The following TRPM7 variants were observed in gnomAD, a reference collection of about 807,000 sequenced individuals.
The protein encoded by TRPM7 is transient receptor potential cation channel subfamily M member 7.
A neutral mutation model predicts 229.7 loss-of-function variants in TRPM7; 134 were observed. The observed-to-expected ratio is 0.58, with a 90% CI of 0.51 to 0.67. TRPM7 has a LOEUF of 0.67. Among genes scored for constraint, TRPM7 ranks in the 30% least tolerant of loss-of-function variants. TRPM7 has a pLI of 0.00. For synonymous variants in TRPM7, 699 were observed against 715.2 expected (o/e 0.98, Z 0.36); for missense variants, 1,901 against 2,210.0 (o/e 0.86, Z 2.80).
At position 50,631,464 on chromosome 15, in the gene TRPM7, T is replaced by A. The variant is rs2060729264; in HGVS notation, c.1157A>T (p.Asp386Val). The A allele has an allele frequency of 6.2e-7, 1 of 1,609,252 alleles. No homozygotes were observed. The change falls in exon 10 of 39, where the codon GAT becomes GTT. Residue 386 changes from aspartate to valine, a missense_variant. Asp to Val is a radical substitution (Grantham distance 152, BLOSUM62 -3). Around this residue, in one of 8 missense-constraint regions of TRPM7, gnomAD observed 794 missense variants for 881.9 expected, o/e 0.90. Transcript: ENST00000646667. ...ELITVFHIGS[D>V]EHQDIDVAIL... ...TGCTACATCTATATCTTGATGTTCA[T>A]CTGACCCAATATGGAAAACAGTGAT...
chr15:50,574,324 T>G lies in TRPM7; in HGVS notation c.5258A>C (p.His1753Pro). 6.2e-7 allele frequency: 1 copy of G among 1,614,064 alleles called. No homozygotes were observed. The highest frequency in any genetic ancestry group is 8.5e-7 in the Non-Finnish European group (1 of 1,179,954). ...CCCTCTTGTATATTCGTAAGTCCAG[T>G]GGCTAAAGGCTAGCATGATCTCTTC... ...TLEEIMLAFS[H>P]WTYEYTRGEL... is the part of the protein sequence containing the mutation. The change falls in exon 36 of 39, where the codon CAC becomes CCC. Residue 1753 changes from histidine to proline, a missense_variant. His to Pro is a moderately conservative substitution (Grantham distance 77). This residue lies in a region of TRPM7 where 257 missense variants were observed against 352.0 expected (regional missense o/e 0.73). Transcript: ENST00000646667.
chr15:50,634,220 C>G (rs1340252798), intron 8 of TRPM7, among the ~76,000 whole-genome samples, 162 bp downstream of exon 8: 1 of 152,014 alleles, frequency 6.6e-6, no homozygotes, highest in African/African-American at 2.4e-5. Flanking sequence ...AATTGGGAGG[C>G]TGAGGCAGGA....
intron 28 of TRPM7, among the ~76,000 whole-genome samples, chr15:50,584,048 C>T (rs998575069): frequency 2.6e-5 from 4 of 152,140 alleles, no homozygotes; most frequent in African/African-American, 9.7e-5. Context: ...TCCTTTTCCC[C>T]AATTTATGAT....
At chr15:50,582,957 TAA>T (rs753805843) in intron 29 of TRPM7, 130 bp downstream of exon 29, 111 of 529,968 alleles carry the variant, frequency 2.1e-4, no homozygotes, top group African/African-American at 2.0e-3. Context: ...GCTACTATGC[TAA>T]AGTCAGTTTT....
rs1191037149 is a variant in TRPM7 at position 50,681,642 on chromosome 15, G to A, written c.3+4889C>T. Reference sequence around the variant, plus strand: ...TTTCAATCAGTGAACTCTGTCTCAGGGTTGCTATATTATTGATGACTTAGC... The same window carrying A: ...TTTCAATCAGTGAACTCTGTCTCAGAGTTGCTATATTATTGATGACTTAGC... On this transcript the variant is annotated intron_variant, in intron 1 of 38. Transcript: ENST00000646667. 2.6e-5 allele frequency among the ~76,000 whole-genome samples: 4 copies of A among 152,062 alleles called. No homozygotes were observed. In the East Asian group the frequency reaches 7.7e-4, roughly 29 times the overall value.
In TRPM7 at chr15:50,580,880, CTGTT is replaced by C. The variant is rs1299203034; in HGVS notation, c.4582_4585del (p.Asn1528GlufsTer10). ...TAAGAAAAAGCTTACTTACATTTCT[CTGTT>C]TGATGGTCTATCTTGTAACCAATCC... is the stretch of plus-strand genomic sequence containing the variant. On this transcript the variant is annotated frameshift_variant, in exon 30 of 39. Transcript: ENST00000646667. LOFTEE classifies it high-confidence loss of function. 1.9e-6 allele frequency: 3 copies of C among 1,584,154 alleles called. No individual in the cohort carries two copies. The highest frequency in any genetic ancestry group is 1.2e-5 in the South Asian group (1 of 84,508).
At chr15:50,634,612 C>G (rs1292329821) in intron 7 of TRPM7, 56 bp from the exon 8 acceptor site, 1 of 1,264,162 alleles carries the variant, frequency 7.9e-7, no homozygotes, top group Non-Finnish European at 1.0e-6. Context: ...AGTTTCTCTC[C>G]AAGAAAAAAA....
At chr15:50,635,664 CAAAAA>C (rs765054880) in intron 7 of TRPM7, among the ~76,000 whole-genome samples, 16 of 56,578 alleles carry the variant, frequency 2.8e-4, no homozygotes, top group African/African-American at 6.9e-4. Context: ...CTCCATCTCC[CAAAAA>C]AAAAAAAAAA....
chr15:50,638,701 T>TATGTATGTATGTATGTATGA (rs1473822217), intron 6 of TRPM7, among the ~76,000 whole-genome samples: 2 of 151,912 alleles, frequency 1.3e-5, no homozygotes, highest in Non-Finnish European at 2.9e-5. Context: ...TGTATGTATG[T>TATGTATGTATGTATGTATGA]ATGAGATGGA....
In TRPM7 at chr15:50,594,456, T is replaced by C; in HGVS notation, c.3448A>G (p.Lys1150Glu). 1 of 1,611,656 alleles carries C rather than the reference T, an allele frequency of 6.2e-7. No individual in the cohort carries two copies. The highest frequency in any genetic ancestry group is 1.1e-5 in the South Asian group (1 of 90,568). ...SLFCCICKRR[K>E]KDKTSDGPKL... ...GGTCCATCGGAAGTCTTATCTTTCT[T>C]TCTTCTCTTACATATGCAGCAAAAC... The change falls in exon 24 of 39, where the codon AAG (lysine) becomes GAG (glutamate). Residue 1150 changes from lysine to glutamate, a missense_variant. Physicochemically the swap from Lys to Glu is moderately conservative, Grantham distance 56. Around this residue, in one of 8 missense-constraint regions of TRPM7, gnomAD observed 533 missense variants for 497.1 expected, o/e 1.07. Transcript: ENST00000646667.
intron 4 of TRPM7, among the ~76,000 whole-genome samples, chr15:50,645,396 G>A (rs1283264843): frequency 6.6e-6 from 1 of 151,916 alleles, no homozygotes; most frequent in East Asian, 1.9e-4. Flanking sequence ...GTCCCGCTCT[G>A]TCGCCCAGGC....
intron 11 of TRPM7, among the ~76,000 whole-genome samples, chr15:50,624,638 T>C (rs2060506326): frequency 6.6e-6 from 1 of 152,184 alleles, no homozygotes; most frequent in Non-Finnish European, 1.5e-5. Flanking sequence ...GAAGGTTTTG[T>C]GGGAAGGATT....
chr15:50,613,464 T>C (rs2060120307), intron 15 of TRPM7, among the ~76,000 whole-genome samples: 1 of 117,374 alleles, frequency 8.5e-6, no homozygotes. Flanking sequence ...ATTGTGCCAC[T>C]ACACTCCAGC....
In TRPM7 at chr15:50,566,197, TAAGCA is replaced by T. The variant is rs201674642; in HGVS notation, c.5467+3685_5467+3689del. 7.1e-3 allele frequency among the ~76,000 whole-genome samples: 1,089 copies of T among 152,308 alleles called. 12 individuals carry two copies. Among genetic ancestry groups the T allele is most frequent in the Non-Finnish European group, 0.011 (721 of 68,032 alleles). ...AAGTATGTTTCTTTTATAATAGAATTAAGCAAGAAATCAATTAAAGACATTTGTAA... is the reference window on the plus strand; with the variant it reads ...AAGTATGTTTCTTTTATAATAGAATTAGAAATCAATTAAAGACATTTGTAA... On this transcript the variant is annotated intron_variant, in intron 38 of 38. Coordinates refer to ENST00000646667, the MANE Select transcript of TRPM7 (RefSeq NM_017672.6).
chr15:50,571,301 G>A (rs1271815698), intron 36 of TRPM7, among the ~76,000 whole-genome samples: 2 of 152,188 alleles, frequency 1.3e-5, no homozygotes, highest in African/African-American at 2.4e-5. Flanking sequence ...AAGCTTTTGG[G>A]AAAGTACTCT....
At chr15:50,683,369 T>C (rs1015852548) in intron 1 of TRPM7, among the ~76,000 whole-genome samples, 1 of 151,022 alleles carries the variant, frequency 6.6e-6, no homozygotes, top group Non-Finnish European at 1.5e-5. Context: ...ATGAATAACA[T>C]ATGGGGAACT....
intron 3 of TRPM7, 34 bp downstream of exon 3, chr15:50,657,747 C>G: frequency 6.3e-7 from 1 of 1,592,564 alleles, no homozygotes; most frequent in Non-Finnish European, 8.6e-7. Flanking sequence ...ATTTATTTTC[C>G]GAAATTTGTG....
chr15:50,624,467 G>A (rs1376627416), intron 11 of TRPM7, among the ~76,000 whole-genome samples, 167 bp from the exon 12 acceptor site: 1 of 152,040 alleles, frequency 6.6e-6, no homozygotes, highest in East Asian at 1.9e-4. Flanking sequence ...AGGTGTTTAG[G>A]GAATAGATTA....
intron 11 of TRPM7, among the ~76,000 whole-genome samples, chr15:50,627,257 T>C (rs2060589361): frequency 6.6e-6 from 1 of 152,174 alleles, no homozygotes. Flanking sequence ...TTATATGGTT[T>C]GTCAGATGGT....
Sources: allele counts gnomAD v4.1 joint callset (sites outside exome capture counted in the v4.1 genomes callset), GRCh38; gene constraint gnomAD v4.1.1; regional missense constraint gnomAD v4.1.1; transcripts MANE v1.5; gene names NCBI Gene and HGNC (gene_info 2026-07-23, HGNC 2026-07-21).